Variants in NCKAP1 observed in about 807,000 individuals in gnomAD.
The protein encoded by NCKAP1 is nck-associated protein 1.
NCKAP1 carries 21 observed loss-of-function variants against 151.2 expected under a neutral mutation model. That is an observed-to-expected ratio of 0.14 (90% confidence interval 0.10 to 0.20). The LOEUF (loss-of-function observed/expected upper bound fraction) is 0.20, where lower values mean the gene tolerates loss of function less well. Among genes scored for constraint, NCKAP1 ranks in the 10% least tolerant of loss-of-function variants. The pLI is 1.00. For missense variants in NCKAP1, 933 were observed against 1,352.1 expected (o/e 0.69, Z 4.86); for synonymous variants, 484 against 451.8 (o/e 1.07, Z -0.90).
rs577440787 is a variant in NCKAP1, at chr2:182,994,084, T to C, written c.790+755A>G. 1.5e-4 allele frequency among the ~76,000 whole-genome samples: 23 copies of C among 152,346 alleles called. No homozygotes were observed. The South Asian group carries it at 2.9e-3, about 19-fold the overall frequency. On this transcript the variant is annotated intron_variant, in intron 8 of 30. Transcript: ENST00000361354. ...TAAGCTTCTTAGAAGCAGAAACTAG[T>C]ACTTTTATCTCCTGTGCATCTAAAA...
chr2:182,935,598 A>C, intron 24 of NCKAP1: 1 of 323,388 alleles, frequency 3.1e-6, no homozygotes, highest in Non-Finnish European at 5.5e-6. Context: ...CATCAAATGG[A>C]GTATATTGTG....
chr2:182,983,238 A>T, intron 11 of NCKAP1, 48 bp downstream of exon 11: 1 of 1,439,188 alleles, frequency 6.9e-7, no homozygotes, highest in Non-Finnish European at 9.6e-7. Context: ...AACGTTTTTT[A>T]AAATTTTAAT....
In NCKAP1 at chr2:183,018,758, C is replaced by T. The variant is rs182589905; in HGVS notation, c.219+5048G>A. 1.9e-3 allele frequency among the ~76,000 whole-genome samples: 292 copies of T among 152,284 alleles called. 1 individual carries two copies. Among genetic ancestry groups the T allele is most frequent in the African/African-American group, 6.9e-3 (286 of 41,562 alleles). On this transcript the variant is annotated intron_variant, in intron 2 of 30. Coordinates refer to ENST00000361354, the MANE Select transcript of NCKAP1 (RefSeq NM_013436.5). ...AGCAATGTTTGAATACAAGTGAAAGCTGGTTATGTTAGAGTGTATCAAATA... is the reference window on the plus strand; with the variant it reads ...AGCAATGTTTGAATACAAGTGAAAGTTGGTTATGTTAGAGTGTATCAAATA...
chr2:183,017,972 G>A (rs187216214), intron 2 of NCKAP1, among the ~76,000 whole-genome samples: 67 of 152,250 alleles, frequency 4.4e-4, no homozygotes, highest in Admixed American at 4.6e-4. Context: ...ATACCTGGCC[G>A]GGTGCGGTGG....
rs1256458261 is a variant in NCKAP1, at chr2:182,919,362, C to T, written c.*6340G>A. 2.0e-5 allele frequency: 3 copies of T among 152,232 alleles called. No homozygotes were observed. Among genetic ancestry groups the T allele is most frequent in the Non-Finnish European group, 4.4e-5 (3 of 68,046 alleles). 9.4% of individuals were successfully genotyped at this position (152,232 alleles called of 1,614,324 possible). On this transcript the variant is annotated 3_prime_UTR_variant, in exon 31 of 31. Coordinates refer to ENST00000361354, the MANE Select transcript of NCKAP1 (RefSeq NM_013436.5). The stretch of plus-strand genomic sequence containing the variant: ...TGTACTACCTGCTCCTCAGCTTCAG[C>T]TTCAACCTTTGCAAGATCTAACAGT...
intron 1 of NCKAP1, among the ~76,000 whole-genome samples, chr2:183,033,536 G>A (rs1699045331): frequency 6.6e-6 from 1 of 152,142 alleles, no homozygotes; most frequent in South Asian, 2.1e-4. Flanking sequence ...CTTGGCACTA[G>A]AGACTTCATC....
intron 1 of NCKAP1, among the ~76,000 whole-genome samples, chr2:183,035,890 G>A (rs1045332920): frequency 3.9e-5 from 6 of 152,094 alleles, no homozygotes; most frequent in South Asian, 2.1e-4. Flanking sequence ...TATCAGATAA[G>A]GCCCTAAATA....
chr2:182,934,644 A>C, intron 26 of NCKAP1, 108 bp downstream of exon 26: 2 of 659,304 alleles, frequency 3.0e-6, no homozygotes, highest in Admixed American at 3.2e-5. Context: ...TAACCACTCT[A>C]AACTAGAAAC....
chr2:182,952,834 T>C lies in NCKAP1; in HGVS notation c.2462A>G (p.Asn821Ser). ...TTCCTCTGCATTGAATGTTAATTCA[T>C]TTTCTGTAGGTAAGTTCACAAACGC... ...MKAFVNLPTENELTFNAEEYS... is the reference protein window; with the variant it reads ...MKAFVNLPTESELTFNAEEYS... The change falls in exon 22 of 31, where the codon AAT (asparagine) becomes AGT (serine). Residue 821 changes from asparagine to serine, a missense_variant. Physicochemically the swap from Asn to Ser is conservative, Grantham distance 46. Transcript: ENST00000361354. 2 of 1,611,602 alleles carry C rather than the reference T, an allele frequency of 1.2e-6. No individual in the cohort carries two copies. The highest frequency in any genetic ancestry group is 1.7e-6 in the Non-Finnish European group (2 of 1,178,294).
chr2:182,994,587 C>T (rs528875577), intron 8 of NCKAP1, among the ~76,000 whole-genome samples: 1 of 151,172 alleles, frequency 6.6e-6, no homozygotes, highest in South Asian at 2.1e-4. Flanking sequence ...TGCAGTGAGC[C>T]GAGATTGTGC....
intron 19 of NCKAP1, chr2:182,956,853 C>T (rs1697338552): frequency 3.4e-6 from 1 of 295,280 alleles, no homozygotes; most frequent in Non-Finnish European, 6.1e-6. Context: ...GCTTATTCTG[C>T]ACTCATAAAG....
intron 20 of NCKAP1, among the ~76,000 whole-genome samples, chr2:182,954,417 T>C (rs1033772111): frequency 1.3e-5 from 2 of 152,188 alleles, no homozygotes; most frequent in East Asian, 3.9e-4. Context: ...GATCTTAGAC[T>C]TGTATTTGTA....
chr2:182,984,662 T>C (rs970105696), intron 10 of NCKAP1, among the ~76,000 whole-genome samples: 3 of 151,426 alleles, frequency 2.0e-5, no homozygotes, highest in African/African-American at 7.2e-5. Flanking sequence ...GCCTGATATA[T>C]AGTGCTTCTG....
At chr2:182,976,852 T>A (rs777576096) in intron 15 of NCKAP1, 41 bp downstream of exon 15, 3 of 1,322,782 alleles carry the variant, frequency 2.3e-6, no homozygotes, top group Non-Finnish European at 3.0e-6. Context: ...TCATGTTAAC[T>A]AAAATAACAA....
chr2:182,938,930 G>A (rs1352309124), intron 24 of NCKAP1, among the ~76,000 whole-genome samples: 1 of 152,186 alleles, frequency 6.6e-6, no homozygotes, highest in Non-Finnish European at 1.5e-5. Context: ...TGTGATCTGA[G>A]AGTTGAATTT....
At chr2:182,954,360 C>T (rs1697280906) in intron 20 of NCKAP1, among the ~76,000 whole-genome samples, 1 of 152,150 alleles carries the variant, frequency 6.6e-6, no homozygotes, top group African/African-American at 2.4e-5. Context: ...ACACTGACCA[C>T]CCCTATTTCA....
At chr2:183,012,491 G>A (rs1275303882) in intron 2 of NCKAP1, among the ~76,000 whole-genome samples, 1 of 152,156 alleles carries the variant, frequency 6.6e-6, no homozygotes, top group African/African-American at 2.4e-5. Context: ...GACAAAGTGA[G>A]GTGGCATCAC....
At chr2:182,982,229 ATAC>A (rs1162162698) in intron 12 of NCKAP1, among the ~76,000 whole-genome samples, 3 of 152,220 alleles carry the variant, frequency 2.0e-5, no homozygotes, top group African/African-American at 2.4e-5. Flanking sequence ...ACCACAAAGC[ATAC>A]TACGAGAAAA....
chr2:182,936,514 G>A (rs1696878628), intron 24 of NCKAP1, among the ~76,000 whole-genome samples: 1 of 152,070 alleles, frequency 6.6e-6, no homozygotes, highest in Admixed American at 6.6e-5. Context: ...ACCTATATTT[G>A]TATATACATA....
Sources: allele counts gnomAD v4.1 joint callset (sites outside exome capture counted in the v4.1 genomes callset), GRCh38; gene constraint gnomAD v4.1.1; transcripts MANE v1.5; gene names NCBI Gene and HGNC (gene_info 2026-07-23, HGNC 2026-07-21).